The following LHB variants were observed in gnomAD, a reference collection of about 807,000 sequenced individuals.
LHB encodes the protein luteinizing hormone subunit beta.
A neutral mutation model predicts 10.6 loss-of-function variants in LHB; 11 were observed. The observed-to-expected ratio is 1.04, with a 90% CI of 0.66 to 1.72. LHB has a LOEUF of 1.72. Ranked by LOEUF, LHB falls within the 40% of genes most tolerant of loss-of-function variation. The pLI is 0.00. For synonymous variants in LHB, 86 were observed against 83.1 expected, an observed-to-expected ratio of 1.03 and a Z score of -0.19; for missense variants, 184 against 197.3, an observed-to-expected ratio of 0.93 and a Z score of 0.41.
rs1420843452 is a variant in LHB, at chr19:49,016,136, A to G, written c.358T>C (p.Cys120Arg). The change falls in exon 3 of 3, where the codon TGT (cysteine) becomes CGT (arginine). Residue 120 changes from cysteine (C) to arginine (R), a missense_variant. Cys to Arg is a radical substitution (Grantham distance 180, BLOSUM62 -3). Coordinates refer to ENST00000649238, the MANE Select transcript of LHB (RefSeq NM_000894.3). ...CGPCRRSTSD[C>R]GGPKDHPLTC... ...AAGGGGTGGTCTTTGGGACCCCCAC[A>G]GTCAGAGGTGCTGCGGCGGCAGGGT... 6.2e-7 allele frequency: 1 copy of G among 1,612,762 alleles called. No individual in the cohort carries two copies. Among genetic ancestry groups the G allele is most frequent in the Non-Finnish European group, 8.5e-7 (1 of 1,180,028 alleles).
chr19:49,017,569 G>A, upstream of LHB: 3 of 1,095,086 alleles, frequency 2.7e-6, no homozygotes, highest in Non-Finnish European at 3.3e-6. Flanking sequence ...GTGCTGCCAG[G>A]GAAGCCACTT....
chr19:49,016,014 G>T lies in LHB; in HGVS notation c.*54C>A. ...AGAAGCCTTTATTGTGGGAGGATCGGGGTGTCAGGGCTCCAGGAGTCGGGA... is the reference window on the plus strand; with the variant it reads ...AGAAGCCTTTATTGTGGGAGGATCGTGGTGTCAGGGCTCCAGGAGTCGGGA... On this transcript the variant is annotated 3_prime_UTR_variant, in exon 3 of 3. Transcript: ENST00000649238. 5 of 1,614,112 alleles carry T rather than the reference G, an allele frequency of 3.1e-6. No homozygotes were observed. The highest frequency in any genetic ancestry group is 4.2e-6 in the Non-Finnish European group (5 of 1,180,052).
chr19:49,018,964 C>T, upstream of LHB: 1 of 1,534,076 alleles, frequency 6.5e-7, no homozygotes, highest in Non-Finnish European at 8.7e-7. Context: ...AAAGGCCGGC[C>T]AGACAGCTCG....
Position 49,016,451 on chromosome 19 carries a change from C to G in LHB, c.183+96G>C, listed in dbSNP as rs563280756. On this transcript the variant is annotated intron_variant, in intron 2 of 2. Transcript: ENST00000649238. The stretch of plus-strand genomic sequence containing the variant: ...GCCTTCCCACACCCCATTCCCCAAC[C>G]GCAGGCCAGAGAGGCAGACCACCCT... 1.2e-5 allele frequency: 20 copies of G among 1,602,606 alleles called. No homozygotes were observed. In the African/African-American group the frequency reaches 2.4e-4, roughly 19 times the overall value.
chr19:49,018,175 C>G (rs568572969), upstream of LHB: 21 of 413,836 alleles, frequency 5.1e-5, no homozygotes, highest in South Asian at 2.4e-3. Context: ...GCGGCATGGC[C>G]GAGGTCACCG....
upstream of LHB, chr19:49,019,175 C>T: frequency 7.1e-7 from 1 of 1,412,840 alleles, no homozygotes; most frequent in Non-Finnish European, 9.2e-7. Context: ...CAGGGAACTT[C>T]AGCTTCCTTT....
rs1432390615 is a variant in LHB at position 49,016,611 on chromosome 19, T to C, written c.119A>G (p.Lys40Arg). ...GGTGATGCACACTGGGCAGCCCTCC[T>C]TCTCGACAGCCAGGATGGCATTGAT... is the stretch of plus-strand genomic sequence containing the variant. Reference protein sequence around the residue: ...HPINAILAVEKEGCPVCITVN... With the variant: ...HPINAILAVEREGCPVCITVN... Residue 40 changes from lysine to arginine, a missense_variant, in exon 2 of 3, where the codon AAG becomes AGG. By Grantham distance (26) the Lys-to-Arg change is conservative. Coordinates refer to ENST00000649238, the MANE Select transcript of LHB (RefSeq NM_000894.3). The C allele has an allele frequency of 3.1e-6, 5 of 1,611,644 alleles. No homozygotes were observed. In the South Asian group the frequency reaches 4.4e-5, roughly 14 times the overall value.
chr19:49,019,498 T>C (rs1364505863), upstream of LHB: 14 of 1,155,630 alleles, frequency 1.2e-5, no homozygotes, highest in Non-Finnish European at 1.4e-5. Context: ...TGGCCTGGCC[T>C]AATGCCCAGC....
chr19:49,019,447 C>T, upstream of LHB: 1 of 1,258,638 alleles, frequency 7.9e-7, no homozygotes, highest in Non-Finnish European at 1.0e-6. Flanking sequence ...TCCGCAGCAG[C>T]TTAGGAGCCC....
chr19:49,016,608 T>G lies in LHB; in HGVS notation c.122A>C (p.Glu41Ala), dbSNP rs1267880224. The G allele has an allele frequency of 6.2e-7, 1 of 1,611,470 alleles. No homozygotes were observed. The highest frequency in any genetic ancestry group is 8.5e-7 in the Non-Finnish European group (1 of 1,179,658). Residue 41 changes from glutamate to alanine, a missense_variant, in exon 2 of 3, where the codon GAG (glutamate) becomes GCG (alanine). Transcript: ENST00000649238. ...GACGGTGATGCACACTGGGCAGCCC[T>G]CCTTCTCGACAGCCAGGATGGCATT... The part of the protein sequence containing the change: ...PINAILAVEK[E>A]GCPVCITVNT...
chr19:49,019,214 C>G, upstream of LHB: 1 of 1,385,768 alleles, frequency 7.2e-7, no homozygotes, highest in Non-Finnish European at 9.3e-7. Context: ...CCAGCCTCAC[C>G]TCCCTAAATC....
At chr19:49,019,141 T>C (rs377072764), upstream of LHB, 435 of 1,415,818 alleles carry the variant, frequency 3.1e-4, no homozygotes, top group African/African-American at 2.2e-3. Flanking sequence ...GCCCCAGGGT[T>C]AGAGCCCTTC....
At chr19:49,017,571 A>C (rs3795047), upstream of LHB, 1 of 1,052,720 alleles carries the variant, frequency 9.5e-7, no homozygotes, top group African/African-American at 1.6e-5. Flanking sequence ...GCTGCCAGGG[A>C]AGCCACTTGA....
chr19:49,018,779 G>C, upstream of LHB: 3 of 1,098,268 alleles, frequency 2.7e-6, no homozygotes, highest in Non-Finnish European at 3.9e-6. Context: ...TGAGACCACC[G>C]GCTCAGGGAA....
chr19:49,019,254 A>G (rs188866557), upstream of LHB: 734 of 1,307,678 alleles, frequency 5.6e-4, 2 homozygotes, highest in African/African-American at 0.01. Context: ...AAGGAACTCA[A>G]ACCCAAGCCC....
In LHB at chr19:49,016,588, T is replaced by C; in HGVS notation, c.142A>G (p.Thr48Ala). The C allele has an allele frequency of 6.2e-7, 1 of 1,611,006 alleles. No homozygotes were observed. The highest frequency in any genetic ancestry group is 8.5e-7 in the Non-Finnish European group (1 of 1,179,654). The stretch of plus-strand genomic sequence containing the variant: ...CCGGCACAGATGGTGGTGTTGACGG[T>C]GATGCACACTGGGCAGCCCTCCTTC... ...VEKEGCPVCI[T>A]VNTTICAGYC... is the part of the protein sequence containing the mutation. The change falls in exon 2 of 3, where the codon ACC (threonine) becomes GCC (alanine). Residue 48 changes from threonine (T) to alanine (A), a missense_variant. Thr to Ala is a moderately conservative substitution (Grantham distance 58). Transcript: ENST00000649238.
chr19:49,018,957 G>C, upstream of LHB: 1 of 1,534,278 alleles, frequency 6.5e-7, no homozygotes, highest in Non-Finnish European at 8.7e-7. Flanking sequence ...TACTGTGAAA[G>C]GCCGGCCAGA....
chr19:49,016,802 G>C (rs2039562592), intron 1 of LHB, 88 bp from the exon 2 acceptor site: 6 of 1,598,346 alleles, frequency 3.8e-6, no homozygotes, highest in Non-Finnish European at 4.2e-6. Flanking sequence ...CACCCACAAA[G>C]ACCCAGAGAC....
upstream of LHB, chr19:49,019,293 C>CCG (rs2039600312): frequency 8.3e-7 from 1 of 1,201,876 alleles, no homozygotes. Context: ...CTCCCTGGTT[C>CCG]CGCTCTGTCT....
Sources: allele counts gnomAD v4.1 joint callset, GRCh38; gene constraint gnomAD v4.1.1; transcripts MANE v1.5; gene names NCBI Gene and HGNC (gene_info 2026-07-23, HGNC 2026-07-21).